The following DUSP16 variants were observed in gnomAD, a reference collection of about 807,000 sequenced individuals.
DUSP16 encodes the protein dual specificity phosphatase 16.
DUSP16 carries 21 observed loss-of-function variants against 58.3 expected under a neutral mutation model. That is an observed-to-expected ratio of 0.36 (90% confidence interval 0.26 to 0.52). The LOEUF (loss-of-function observed/expected upper bound fraction) is 0.52. DUSP16 is among the 20% of genes least tolerant of loss of function. The pLI, the probability that DUSP16 is intolerant of heterozygous loss-of-function variation, is 0.94. For missense variants in DUSP16, 726 were observed against 819.0 expected (o/e 0.89, Z 1.39); for synonymous variants, 320 against 323.8 (o/e 0.99, Z 0.12).
intron 3 of DUSP16, among the ~76,000 whole-genome samples, chr12:12,501,612 C>T (rs888413826): frequency 3.9e-5 from 6 of 152,020 alleles, no homozygotes; most frequent in Admixed American, 1.3e-4. Flanking sequence ...TTCAGATATA[C>T]GCCTTGCTAT....
chr12:12,500,470 C>A, intron 4 of DUSP16, 49 bp downstream of exon 4: 1 of 1,524,524 alleles, frequency 6.6e-7, no homozygotes. Context: ...GCTGTTTCTC[C>A]AGCTAACAAT....
At chr12:12,533,300 C>T (rs1566034835) in intron 1 of DUSP16, among the ~76,000 whole-genome samples, 1 of 152,210 alleles carries the variant, frequency 6.6e-6, no homozygotes. Context: ...AAATGCAACG[C>T]AAGATGACTT....
At chr12:12,547,857 G>A (rs1944670056) in intron 1 of DUSP16, among the ~76,000 whole-genome samples, 1 of 152,148 alleles carries the variant, frequency 6.6e-6, no homozygotes, top group Non-Finnish European at 1.5e-5. Flanking sequence ...AGGTTAGCTG[G>A]TAAAAGGCAA....
intron 1 of DUSP16, among the ~76,000 whole-genome samples, chr12:12,524,137 G>A (rs2136235060): frequency 6.6e-6 from 1 of 152,296 alleles, no homozygotes; most frequent in Admixed American, 6.5e-5. Context: ...CCAAAGACAG[G>A]TTACAACAAA....
chr12:12,527,632 A>C (rs1020069832), intron 1 of DUSP16, among the ~76,000 whole-genome samples: 6 of 152,218 alleles, frequency 3.9e-5, no homozygotes, highest in African/African-American at 1.4e-4. Flanking sequence ...TTTTATTTAT[A>C]AAAGTATAAA....
intron 1 of DUSP16, among the ~76,000 whole-genome samples, chr12:12,546,272 G>A (rs577506733): frequency 6.6e-6 from 1 of 152,278 alleles, no homozygotes; most frequent in East Asian, 1.9e-4. Context: ...GTGTTTCGTG[G>A]TTGTGTTTTT....
At chr12:12,505,757 C>T (rs995307484) in intron 3 of DUSP16, among the ~76,000 whole-genome samples, 4 of 152,154 alleles carry the variant, frequency 2.6e-5, no homozygotes, top group African/African-American at 9.7e-5. Flanking sequence ...GAGAAAGAAA[C>T]CATTGTTCAG....
In DUSP16 at chr12:12,486,946, A is replaced by C. The variant is rs184703390; in HGVS notation, c.691+82T>G. The C allele has an allele frequency of 5.8e-4, 888 of 1,530,888 alleles. 5 individuals carry two copies. In the East Asian group the frequency reaches 0.01, roughly 18 times the overall value. 94.8% of individuals were successfully genotyped at this position (1,530,888 alleles called of 1,614,324 possible). On this transcript the variant is annotated intron_variant, in intron 5 of 6. Transcript: ENST00000298573. ...TCTGAAATAGGCTCCTTTTCTCTAA[A>C]GAAAAAATGGGGGGCTGAGGGGGTT...
At chr12:12,484,997 G>A (rs1943653747) in intron 5 of DUSP16, among the ~76,000 whole-genome samples, 1 of 150,936 alleles carries the variant, frequency 6.6e-6, no homozygotes, top group Admixed American at 6.6e-5. Context: ...TAACTTGTGG[G>A]GGTTTGTTTG....
chr12:12,549,338 G>A (rs537569219), intron 1 of DUSP16, among the ~76,000 whole-genome samples: 16 of 152,106 alleles, frequency 1.1e-4, no homozygotes, highest in African/African-American at 3.4e-4. Flanking sequence ...TCAATTATAT[G>A]TGCATCTCCA....
At position 12,514,893 on chromosome 12, in the gene DUSP16, A is replaced by C. The variant is rs529518131; in HGVS notation, c.367+4969T>G. ...AGGCAGGTCTCAAACTCCTGAGCTC[A>C]AGTGATCCTCCTGCCTCAGCCTCCT... On this transcript the variant is annotated intron_variant, in intron 3 of 6. Transcript: ENST00000298573. Among the ~76,000 whole-genome samples the C allele has an allele frequency of 7.2e-5, 11 of 152,246 alleles. No homozygotes were observed. The East Asian group carries it at 2.1e-3, about 29-fold the overall frequency.
intron 1 of DUSP16, among the ~76,000 whole-genome samples, chr12:12,549,050 TTCTC>T (rs1400977399): frequency 1.3e-5 from 2 of 152,222 alleles, no homozygotes; most frequent in African/African-American, 2.4e-5. Context: ...ATGTATATCT[TTCTC>T]TATTAAAATA....
chr12:12,525,743 C>T (rs1944297209), intron 1 of DUSP16, among the ~76,000 whole-genome samples: 1 of 151,628 alleles, frequency 6.6e-6, no homozygotes, highest in African/African-American at 2.4e-5. Flanking sequence ...CACACACACA[C>T]ACACACACAC....
intron 1 of DUSP16, among the ~76,000 whole-genome samples, chr12:12,528,676 ATTATAAT>A (rs529271622): frequency 3.3e-5 from 5 of 152,366 alleles, no homozygotes; most frequent in Admixed American, 2.6e-4. Context: ...AAAAGTATTC[ATTATAAT>A]TTATAAGTTA....
intron 6 of DUSP16, among the ~76,000 whole-genome samples, 174 bp downstream of exon 6, chr12:12,480,049 T>C (rs892513755): frequency 1.3e-5 from 2 of 152,240 alleles, no homozygotes; most frequent in East Asian, 3.8e-4. Flanking sequence ...TGCTAAATAG[T>C]AAAACAGCAT....
Position 12,476,507 on chromosome 12 carries a change from T to A in DUSP16, c.*326A>T. 1 of 215,334 alleles carries A rather than the reference T, an allele frequency of 4.6e-6. No homozygotes were observed. The highest frequency in any genetic ancestry group is 9.1e-6 in the Non-Finnish European group (1 of 109,450). 13.3% of individuals were successfully genotyped at this position (215,334 alleles called of 1,614,324 possible). A position where few individuals can be genotyped will look rare whatever the true frequency, so the allele number is the denominator to read the frequency against. ...TCTTAGTAGCACAACGTGAAAATGGTAGGGGATTTTGTCCTCCAACACCAA... is the reference window on the plus strand; with the variant it reads ...TCTTAGTAGCACAACGTGAAAATGGAAGGGGATTTTGTCCTCCAACACCAA... On this transcript the variant is annotated 3_prime_UTR_variant, in exon 7 of 7. Coordinates refer to ENST00000298573, the MANE Select transcript of DUSP16 (RefSeq NM_030640.3).
intron 5 of DUSP16, among the ~76,000 whole-genome samples, chr12:12,480,675 C>T (rs763636889): frequency 3.3e-5 from 5 of 152,170 alleles, no homozygotes; most frequent in Non-Finnish European, 7.3e-5. Flanking sequence ...TGTTATCTGA[C>T]ACTTCAAATT....
chr12:12,529,748 C>T (rs1944359188), intron 1 of DUSP16, among the ~76,000 whole-genome samples: 1 of 152,188 alleles, frequency 6.6e-6, no homozygotes. Context: ...ATGAGATCAA[C>T]TTTTTCAGCT....
rs926720531 is a variant in DUSP16, at chr12:12,525,479, G to T, written c.-365-4016C>A. On this transcript the variant is annotated intron_variant, in intron 1 of 6. Coordinates refer to ENST00000298573, the MANE Select transcript of DUSP16 (RefSeq NM_030640.3). ...GATGGGGTTTCTCCATGTCAGGCTGGTCTCGAACTCCCGACCTCAGGTAAT... is the reference window on the plus strand; with the variant it reads ...GATGGGGTTTCTCCATGTCAGGCTGTTCTCGAACTCCCGACCTCAGGTAAT... Among the ~76,000 whole-genome samples the T allele has an allele frequency of 2.0e-5, 3 of 152,056 alleles. No individual in the cohort carries two copies. In the East Asian group the frequency reaches 5.9e-4, roughly 30 times the overall value.
Sources: allele counts gnomAD v4.1 joint callset (sites outside exome capture counted in the v4.1 genomes callset), GRCh38; gene constraint gnomAD v4.1.1; transcripts MANE v1.5; gene names NCBI Gene and HGNC (gene_info 2026-07-23, HGNC 2026-07-21).